HIVEP1: variants seen among roughly 807,000 people sequenced by gnomAD.
HIVEP1 encodes the protein zinc finger protein 40.
HIVEP1 carries 36 observed loss-of-function variants against 180.0 expected under a neutral mutation model. The ratio of observed to expected loss-of-function variants is 0.20; its 90% CI spans 0.15 to 0.26. The LOEUF (loss-of-function observed/expected upper bound fraction) is 0.26. HIVEP1 is among the 10% of genes least tolerant of loss of function. The pLI, the probability that HIVEP1 is intolerant of heterozygous loss-of-function variation, is 1.00. For missense variants in HIVEP1, 3,143 were observed against 3,268.7 expected (o/e 0.96, Z 0.94); for synonymous variants, 1,239 against 1,239.0 (o/e 1.00, Z 0.00).
chr6:12,173,543 G>A, the HIVEP1 span, among the ~76,000 whole-genome samples: 6 of 152,162 alleles, frequency 3.9e-5, no homozygotes, highest in Non-Finnish European at 8.8e-5. Context: ...GCAGTATAAG[G>A]CAATAGAGGT....
At chr6:12,101,854 T>G (rs961238544) in intron 3 of HIVEP1, among the ~76,000 whole-genome samples, 2 of 152,182 alleles carry the variant, frequency 1.3e-5, no homozygotes, top group East Asian at 1.9e-4. Context: ...CTGTCTGCAC[T>G]GGCACTCACT....
At chr6:12,170,087 C>T in the HIVEP1 span, among the ~76,000 whole-genome samples, 1 of 151,864 alleles carries the variant, frequency 6.6e-6, no homozygotes, top group East Asian at 1.9e-4. Flanking sequence ...TGCCGCTGCA[C>T]TCCAGCCTGG....
the HIVEP1 span, among the ~76,000 whole-genome samples, chr6:12,208,332 C>T: frequency 1.3e-5 from 2 of 152,124 alleles, no homozygotes; most frequent in African/African-American, 2.4e-5. Flanking sequence ...CCCTGGGAAC[C>T]CTTGCAACCT....
the HIVEP1 span, among the ~76,000 whole-genome samples, chr6:12,188,477 C>G: frequency 6.6e-6 from 1 of 152,058 alleles, no homozygotes; most frequent in Non-Finnish European, 1.5e-5. Flanking sequence ...GAAGAAGCAA[C>G]TATATTGATA....
chr6:12,109,070 C>G (rs1774702844), intron 3 of HIVEP1, among the ~76,000 whole-genome samples: 2 of 152,230 alleles, frequency 1.3e-5, no homozygotes, highest in Admixed American at 1.3e-4. Flanking sequence ...AGCTCCGCCT[C>G]CCAGGTTCAC....
chr6:12,119,842 G>A (rs1270147007), intron 3 of HIVEP1, 48 bp from the exon 4 acceptor site: 2 of 1,192,556 alleles, frequency 1.7e-6, no homozygotes, highest in African/African-American at 1.5e-5. Context: ...TATAGTTGGT[G>A]TATGTACAAT....
chr6:12,198,070 A>G, the HIVEP1 span, among the ~76,000 whole-genome samples: 2 of 152,042 alleles, frequency 1.3e-5, no homozygotes, highest in Non-Finnish European at 2.9e-5. Context: ...AATGTTGGAA[A>G]TGTTGAGTTT....
At chr6:12,033,644 C>G (rs75935462) in intron 2 of HIVEP1, among the ~76,000 whole-genome samples, 14 of 152,184 alleles carry the variant, frequency 9.2e-5, no homozygotes, top group African/African-American at 3.4e-4. Context: ...TGTCCAAACC[C>G]TCTTAATAAT....
chr6:12,155,472 G>A (rs866031240), intron 7 of HIVEP1, among the ~76,000 whole-genome samples: 4 of 146,758 alleles, frequency 2.7e-5, no homozygotes, highest in Middle Eastern at 3.6e-3. Context: ...TCGTGTTTTC[G>A]TCATTCAGCT....
At chr6:12,144,301 C>A (rs985090265) in intron 7 of HIVEP1, among the ~76,000 whole-genome samples, 1 of 152,054 alleles carries the variant, frequency 6.6e-6, no homozygotes, top group African/African-American at 2.4e-5. Context: ...ATTTAATAAA[C>A]AGTGCTGGGA....
chr6:12,046,888 T>C (rs1460663990), intron 2 of HIVEP1, among the ~76,000 whole-genome samples: 1 of 150,510 alleles, frequency 6.6e-6, no homozygotes, highest in Non-Finnish European at 1.5e-5. Flanking sequence ...TGAGATGGAG[T>C]CTCGCTCTGT....
intron 2 of HIVEP1, among the ~76,000 whole-genome samples, chr6:12,065,902 A>G (rs973096453): frequency 6.6e-6 from 1 of 152,154 alleles, no homozygotes; most frequent in African/African-American, 2.4e-5. Flanking sequence ...TGAAGTCCTC[A>G]GAACAGCACT....
Position 12,119,918 on chromosome 6 carries a change from T to C in HIVEP1, c.123T>C (p.Thr41=). ...KEILQAGVKG[T]SESLKGVKRK... ...TCTTACAGGCTGGTGTTAAAGGAAC[T>C]TCGGAATCCCTTAAAGGTGTGAAAC... is the stretch of plus-strand genomic sequence containing the variant. The change falls in exon 4 of 9, where the codon ACT becomes ACC. Residue 41 remains threonine (T), a synonymous_variant. Transcript: ENST00000379388. 6.4e-7 allele frequency: 1 copy of C among 1,572,846 alleles called. No homozygotes were observed. Among genetic ancestry groups the C allele is most frequent in the South Asian group, 1.2e-5 (1 of 83,828 alleles).
intron 2 of HIVEP1, among the ~76,000 whole-genome samples, chr6:12,017,381 G>C (rs964258349): frequency 7.2e-5 from 11 of 152,158 alleles, no homozygotes; most frequent in African/African-American, 2.7e-4. Context: ...GTAGGTTCGT[G>C]GTCTCGCTGG....
At chr6:12,079,943 T>G (rs754351235) in intron 2 of HIVEP1, among the ~76,000 whole-genome samples, 6 of 151,392 alleles carry the variant, frequency 4.0e-5, no homozygotes, top group Non-Finnish European at 7.4e-5. Flanking sequence ...CATCTATCTA[T>G]CTATCTATCT....
At chr6:12,069,024 T>C (rs77758709) in intron 2 of HIVEP1, among the ~76,000 whole-genome samples, 20 of 152,370 alleles carry the variant, frequency 1.3e-4, no homozygotes, top group African/African-American at 3.6e-4. Context: ...AATTGACTTA[T>C]GTAATGTACA....
At chr6:12,194,361 C>CAG in the HIVEP1 span, among the ~76,000 whole-genome samples, 5,953 of 147,834 alleles carry the variant, frequency 0.04, 318 homozygotes, top group East Asian at 0.2. Context: ...AAGGAGAGTA[C>CAG]AGAGAGAGAG....
chr6:12,087,622 G>C (rs1292313097), intron 2 of HIVEP1, among the ~76,000 whole-genome samples: 1 of 151,974 alleles, frequency 6.6e-6, no homozygotes, highest in African/African-American at 2.4e-5. Context: ...TTTTAAAAGT[G>C]GGTCTTAGCC....
intron 3 of HIVEP1, among the ~76,000 whole-genome samples, chr6:12,101,220 G>A (rs2113394067): frequency 6.6e-6 from 1 of 152,274 alleles, no homozygotes; most frequent in East Asian, 1.9e-4. Flanking sequence ...CACTTTCTGT[G>A]AAGTACTTGT....
Sources: allele counts gnomAD v4.1 joint callset (sites outside exome capture counted in the v4.1 genomes callset), GRCh38; gene constraint gnomAD v4.1.1; transcripts MANE v1.5; gene names NCBI Gene and HGNC (gene_info 2026-07-23, HGNC 2026-07-21).